GFPT2: variants seen among roughly 807,000 people sequenced by gnomAD.
GFPT2 encodes the protein glutamine--fructose-6-phosphate transaminase 2.
GFPT2 carries 62 observed loss-of-function variants against 85.6 expected under a neutral mutation model. The ratio of observed to expected loss-of-function variants is 0.72; its 90% CI spans 0.59 to 0.90. The LOEUF is 0.90. Among genes scored for constraint, GFPT2 ranks in the 40% least tolerant of loss-of-function variants. The probability of loss-of-function intolerance (pLI) is 0.00; values close to 1 mark genes in which losing one functional copy is unlikely to be tolerated. For missense variants in GFPT2, 788 were observed against 893.4 expected, an observed-to-expected ratio of 0.88 and a Z score of 1.50; for synonymous variants, 368 against 344.5, an observed-to-expected ratio of 1.07 and a Z score of -0.75.
intron 13 of GFPT2, among the ~76,000 whole-genome samples, chr5:180,314,809 G>GA (rs1763969138): frequency 6.6e-6 from 1 of 152,190 alleles, no homozygotes; most frequent in African/African-American, 2.4e-5. Context: ...CCTAGGGTTC[G>GA]ATAGTGTTTT....
intron 10 of GFPT2, among the ~76,000 whole-genome samples, chr5:180,317,367 C>T (rs1030850958): frequency 5.9e-5 from 9 of 152,214 alleles, no homozygotes; most frequent in African/African-American, 9.6e-5. Flanking sequence ...TAAAGTGCTT[C>T]ACTCCCAAAA....
chr5:180,313,759 T>C (rs1372366451), intron 14 of GFPT2, 48 bp downstream of exon 14: 1 of 1,502,540 alleles, frequency 6.7e-7, no homozygotes. Flanking sequence ...CTGGTGCACC[T>C]GCCTCCGCCA....
chr5:180,336,429 A>C (rs777727787), intron 3 of GFPT2, 50 bp downstream of exon 3: 1 of 986,790 alleles, frequency 1.0e-6, no homozygotes, highest in East Asian at 2.4e-5. Context: ...CGGTCCTAGA[A>C]AGCGGCCGGC....
In GFPT2 at chr5:180,301,616, G is replaced by A. The variant is rs770284736; in HGVS notation, c.2005-8C>T. The A allele has an allele frequency of 1.2e-5, 19 of 1,611,046 alleles. No homozygotes were observed. The Admixed American group carries it at 2.8e-4, about 24-fold the overall frequency. ...ATTTCTGGGGAAGTCAACCTAAAAT[G>A]AAAGAAAGTGACTGTTCAGGACCCC... On this transcript the variant is annotated splice_region_variant and splice_polypyrimidine_tract_variant and intron_variant, in intron 18 of 18. Transcript: ENST00000253778.
chr5:180,332,854 G>C (rs1031575434), intron 4 of GFPT2, among the ~76,000 whole-genome samples: 18 of 152,086 alleles, frequency 1.2e-4, no homozygotes, highest in African/African-American at 4.1e-4. Context: ...GACTATTTTT[G>C]ATCCCTTCTT....
intron 14 of GFPT2, among the ~76,000 whole-genome samples, chr5:180,312,828 G>A (rs915193575): frequency 2.0e-5 from 3 of 152,138 alleles, no homozygotes; most frequent in Non-Finnish European, 4.4e-5. Context: ...CCAGGCTGGA[G>A]TGCAGTGGCT....
chr5:180,345,370 G>T (rs937274395), intron 1 of GFPT2, among the ~76,000 whole-genome samples: 2 of 152,272 alleles, frequency 1.3e-5, no homozygotes, highest in East Asian at 3.8e-4. Context: ...GGACCCATCG[G>T]GGGGCCTCAC....
chr5:180,348,295 CTG>C (rs1764648858), intron 1 of GFPT2, among the ~76,000 whole-genome samples: 1 of 152,252 alleles, frequency 6.6e-6, no homozygotes, highest in Non-Finnish European at 1.5e-5. Context: ...CTGGGCCTGC[CTG>C]TGTGTGTTGG....
In GFPT2 at chr5:180,332,721, G is replaced by A. The variant is rs141957304; in HGVS notation, c.341-1168C>T. Among the ~76,000 whole-genome samples the A allele has an allele frequency of 6.7e-3, 1,015 of 152,128 alleles. 4 individuals are homozygous for A. Among genetic ancestry groups the A allele is most frequent in the Middle Eastern group, 0.024 (7 of 294 alleles). On this transcript the variant is annotated intron_variant, in intron 4 of 18. Transcript: ENST00000253778. Reference sequence around the variant, plus strand: ...CCCGGCTAATTTTTGTATTTTTTTAGTAGAGACAGGGTTTCACCATGTTAG... The same window carrying A: ...CCCGGCTAATTTTTGTATTTTTTTAATAGAGACAGGGTTTCACCATGTTAG...
intron 1 of GFPT2, among the ~76,000 whole-genome samples, chr5:180,350,724 A>C (rs146282659): frequency 6.6e-6 from 1 of 152,232 alleles, no homozygotes; most frequent in African/African-American, 2.4e-5. Context: ...CAATAAAACC[A>C]AAGTGTCATT....
At chr5:180,333,810 C>A (rs551000813) in intron 4 of GFPT2, among the ~76,000 whole-genome samples, 15 of 152,074 alleles carry the variant, frequency 9.9e-5, no homozygotes, top group Non-Finnish European at 2.2e-4. Context: ...GCTGGAGTGT[C>A]CAAGTTTGGG....
chr5:180,327,855 C>A (rs1764237209), intron 7 of GFPT2, among the ~76,000 whole-genome samples: 1 of 152,138 alleles, frequency 6.6e-6, no homozygotes, highest in African/African-American at 2.4e-5. Flanking sequence ...GCCTTCAAGG[C>A]CTCTGCTGTA....
At chr5:180,327,538 C>G (rs1764231264) in intron 7 of GFPT2, among the ~76,000 whole-genome samples, 1 of 152,216 alleles carries the variant, frequency 6.6e-6, no homozygotes. Flanking sequence ...GGGCCGGGCA[C>G]AGGGCATCAC....
chr5:180,307,071 G>A, intron 16 of GFPT2, 105 bp downstream of exon 16: 1 of 914,596 alleles, frequency 1.1e-6, no homozygotes, highest in Admixed American at 2.2e-5. Flanking sequence ...GGGTCCTTAG[G>A]CCCGGCCCTC....
At position 180,324,207 on chromosome 5, in the gene GFPT2, A is replaced by G. The variant is rs1410279395; in HGVS notation, c.775T>C (p.Phe259Leu). ...AGTTACCTTGCATCAGAAGCAAAGA[A>G]GAATTCCACGGCCTTGTCGCCCACA... ...HAVGDKAVEF[F>L]FASDASAIIE... The change falls in exon 9 of 19, where the codon TTC (phenylalanine) becomes CTC (leucine). Residue 259 changes from phenylalanine (F) to leucine (L), a missense_variant. By Grantham distance (22) the Phe-to-Leu change is conservative. Transcript: ENST00000253778. The G allele has an allele frequency of 3.7e-6, 6 of 1,604,072 alleles. No individual in the cohort carries two copies. Among genetic ancestry groups the G allele is most frequent in the Non-Finnish European group, 5.1e-6 (6 of 1,171,346 alleles).
chr5:180,337,977 A>G (rs1379345064), intron 2 of GFPT2, among the ~76,000 whole-genome samples: 1 of 151,882 alleles, frequency 6.6e-6, no homozygotes, highest in African/African-American at 2.4e-5. Context: ...TACAAAAAAT[A>G]AAAAATTAGC....
At chr5:180,312,130 GCTGA>G (rs1763903845) in intron 15 of GFPT2, among the ~76,000 whole-genome samples, 1 of 83,468 alleles carries the variant, frequency 1.2e-5, no homozygotes. Flanking sequence ...AGGCGGGGAG[GCTGA>G]GGACCAGGGA....
chr5:180,305,325 T>C (rs1170474458), intron 16 of GFPT2, among the ~76,000 whole-genome samples: 2 of 152,248 alleles, frequency 1.3e-5, no homozygotes, highest in Non-Finnish European at 2.9e-5. Flanking sequence ...TCAGCTTAGC[T>C]ACACCTTCAG....
Position 180,318,901 on chromosome 5 carries a change from C to T in GFPT2, c.850G>A (p.Ala284Thr), listed in dbSNP as rs116598739. Residue 284 changes from alanine (A) to threonine (T), a missense_variant, in exon 10 of 19, where the codon GCA (alanine) becomes ACA (threonine). Ala to Thr is a moderately conservative substitution (Grantham distance 58, BLOSUM62 0). Transcript: ENST00000253778. This position sits in a 1 kb window ranked among gnomAD's most constrained non-coding sequence, Gnocchi z 4.2. ...VIFLEDDDIA[A>T]VADGKLSIHR... is the part of the protein sequence containing the mutation. The stretch of plus-strand genomic sequence containing the variant: ...ATGGAGAGTTTCCCATCAGCCACTG[C>T]GGCGATGTCATCGTCCTCCAGGAAG... 2.5e-4 allele frequency: 399 copies of T among 1,613,670 alleles called. 2 individuals carry two copies. The African/African-American group carries it at 4.8e-3, about 19-fold the overall frequency.
Sources: gnomAD v4.1 joint callset for allele counts (sites outside exome capture counted in the v4.1 genomes callset) on GRCh38, gnomAD v4.1.1 for gene constraint, Gnocchi (gnomAD v3.1) non-coding constraint, MANE v1.5 for transcripts, NCBI Gene and HGNC (gene_info 2026-07-23, HGNC 2026-07-21) for gene names.